GRM8: variants seen among roughly 807,000 people sequenced by gnomAD.
GRM8 encodes the protein metabotropic glutamate receptor 8.
A neutral mutation model predicts 87.2 loss-of-function variants in GRM8; 47 were observed. That is an observed-to-expected ratio of 0.54 (90% confidence interval 0.43 to 0.69). GRM8 has a LOEUF of 0.69. Among genes scored for constraint, GRM8 ranks in the 30% least tolerant of loss-of-function variants. The probability of loss-of-function intolerance (pLI) is 0.00; values close to 1 mark genes in which losing one functional copy is unlikely to be tolerated. For missense variants in GRM8, 1,019 were observed against 1,139.2 expected (o/e 0.89, Z 1.52); for synonymous variants, 396 against 404.5 (o/e 0.98, Z 0.25).
chr7:126,912,764 A>G (rs1803451504), intron 3 of GRM8, among the ~76,000 whole-genome samples: 1 of 152,230 alleles, frequency 6.6e-6, no homozygotes, highest in African/African-American at 2.4e-5. Flanking sequence ...TTAATAATGT[A>G]TAATTGAAAT....
chr7:127,131,222 AT>A (rs1220545815), intron 2 of GRM8, among the ~76,000 whole-genome samples: 1 of 152,182 alleles, frequency 6.6e-6, no homozygotes, highest in Non-Finnish European at 1.5e-5. Context: ...ATTGCTTACA[AT>A]AGCCAAAAGT....
chr7:127,252,879 G>A lies in GRM8; in HGVS notation c.-394C>T. 2 of 220,992 alleles carry A rather than the reference G, an allele frequency of 9.1e-6. No individual in the cohort carries two copies. Among genetic ancestry groups the A allele is most frequent in the East Asian group, 1.6e-4 (1 of 6,190 alleles). The allele number at this position is 220,992 out of a possible 1,614,324, so 13.7% of individuals were successfully genotyped here. Reference sequence around the variant, plus strand: ...CAGCGCCGCCGCCGCCGCCGCCGCCGCCGCGTGAGGCGAGCACAGCGGCCG... The same window carrying A: ...CAGCGCCGCCGCCGCCGCCGCCGCCACCGCGTGAGGCGAGCACAGCGGCCG... On this transcript the variant is annotated 5_prime_UTR_variant, in exon 1 of 11. Transcript: ENST00000339582. The surrounding 1 kb of genome is among the most constrained non-coding windows in gnomAD (Gnocchi z 4.9).
At chr7:126,472,839 A>G (rs1805450411) in intron 9 of GRM8, among the ~76,000 whole-genome samples, 1 of 152,284 alleles carries the variant, frequency 6.6e-6, no homozygotes, top group South Asian at 2.1e-4. Context: ...AGTCCCAGCC[A>G]TGGCTAATAG....
At chr7:127,226,820 C>T (rs1032884802) in intron 2 of GRM8, among the ~76,000 whole-genome samples, 2 of 152,232 alleles carry the variant, frequency 1.3e-5, no homozygotes, top group Non-Finnish European at 1.5e-5. Context: ...AAATAATATG[C>T]TCACATCATT....
chr7:127,059,331 C>CTTTTTTTTTTTTTTTTT (rs10618329), intron 3 of GRM8, among the ~76,000 whole-genome samples: 2 of 130,592 alleles, frequency 1.5e-5, no homozygotes, highest in Non-Finnish European at 3.3e-5. Flanking sequence ...TTTTTTTTTG[C>CTTTTTTTTTTTTTTTTT]TTTTTTTTTT....
chr7:126,473,281 A>G (rs7796391), intron 9 of GRM8, among the ~76,000 whole-genome samples: 76,058 of 152,048 alleles, frequency 0.5, 19,194 homozygotes, highest in Middle Eastern at 0.65. Flanking sequence ...TAGGGACAAA[A>G]CTACCCAAGA....
At chr7:126,831,518 A>C (rs1795368802) in intron 6 of GRM8, among the ~76,000 whole-genome samples, 1 of 152,306 alleles carries the variant, frequency 6.6e-6, no homozygotes, top group South Asian at 2.1e-4. Flanking sequence ...TGTGGGATAT[A>C]ATCTCCTGGT....
At position 127,248,126 on chromosome 7, in the gene GRM8, T is replaced by A. The variant is rs764349750; in HGVS notation, c.-311-4611A>T. Among the ~76,000 whole-genome samples, 75 of 152,220 alleles carry A rather than the reference T, an allele frequency of 4.9e-4. 1 individual carries two copies. Among genetic ancestry groups the A allele is most frequent in the Non-Finnish European group, 9.0e-4 (61 of 68,034 alleles). On this transcript the variant is annotated intron_variant, in intron 1 of 10. Coordinates refer to ENST00000339582, the MANE Select transcript of GRM8 (RefSeq NM_000845.3). ...CTTTATTTTTCCAATAACACAGCTA[T>A]TGCACAAAAAGACCATATTTAAAGT...
intron 2 of GRM8, among the ~76,000 whole-genome samples, chr7:127,208,024 G>A (rs942020980): frequency 3.3e-5 from 5 of 152,074 alleles, no homozygotes; most frequent in East Asian, 1.9e-4. Context: ...ACCCCCGGCC[G>A]ATTCCACAAG....
At chr7:126,908,489 C>T (rs1490407511) in intron 3 of GRM8, among the ~76,000 whole-genome samples, 61 of 152,256 alleles carry the variant, frequency 4.0e-4, no homozygotes, top group Non-Finnish European at 2.9e-5. Context: ...AATTAAATTG[C>T]CATGATTACT....
chr7:126,705,902 G>A (rs1032552604), intron 7 of GRM8, among the ~76,000 whole-genome samples: 4 of 151,870 alleles, frequency 2.6e-5, no homozygotes, highest in African/African-American at 9.7e-5. Flanking sequence ...TTAATTTCAA[G>A]CTATTTATTA....
At chr7:127,012,280 C>T (rs886150688) in intron 3 of GRM8, among the ~76,000 whole-genome samples, 1 of 152,066 alleles carries the variant, frequency 6.6e-6, no homozygotes, top group African/African-American at 2.4e-5. Context: ...TTCTATAGTT[C>T]TACTATATGC....
intron 3 of GRM8, among the ~76,000 whole-genome samples, chr7:126,954,610 A>G (rs1808491389): frequency 6.6e-6 from 1 of 152,188 alleles, no homozygotes; most frequent in Non-Finnish European, 1.5e-5. Flanking sequence ...GGACTTTTAT[A>G]TAGATTCATT....
intron 2 of GRM8, among the ~76,000 whole-genome samples, chr7:127,149,282 A>T (rs993530017): frequency 2.2e-4 from 33 of 152,104 alleles, no homozygotes; most frequent in African/African-American, 6.8e-4. Flanking sequence ...TCCAAAGAAG[A>T]CATAAAAATG....
At chr7:126,584,489 C>A (rs1026660870) in intron 8 of GRM8, among the ~76,000 whole-genome samples, 1 of 152,040 alleles carries the variant, frequency 6.6e-6, no homozygotes, top group Non-Finnish European at 1.5e-5. Context: ...GTTTGTTGAC[C>A]GATTGTCTCA....
At chr7:127,201,425 A>G (rs1346158960) in intron 2 of GRM8, among the ~76,000 whole-genome samples, 1 of 152,170 alleles carries the variant, frequency 6.6e-6, no homozygotes, top group African/African-American at 2.4e-5. Flanking sequence ...TCATGTTTCC[A>G]TTCTTCCTTC....
chr7:126,570,681 C>T (rs1280250754), intron 8 of GRM8, among the ~76,000 whole-genome samples: 1 of 152,150 alleles, frequency 6.6e-6, no homozygotes. Context: ...ATTTCAGGAG[C>T]ATTCTCTGGC....
intron 7 of GRM8, among the ~76,000 whole-genome samples, chr7:126,663,251 C>CA (rs1173718753): frequency 1.3e-5 from 2 of 152,064 alleles, no homozygotes; most frequent in African/African-American, 4.8e-5. Flanking sequence ...GACGCTATTC[C>CA]AAAAAATGGA....
intron 8 of GRM8, among the ~76,000 whole-genome samples, chr7:126,536,470 G>T (rs1815738900): frequency 6.6e-6 from 1 of 152,066 alleles, no homozygotes; most frequent in African/African-American, 2.4e-5. Flanking sequence ...TGTCATCAGG[G>T]CATTTGAGAC....
Sources: allele counts gnomAD v4.1 joint callset (sites outside exome capture counted in the v4.1 genomes callset), GRCh38; gene constraint gnomAD v4.1.1; non-coding constraint Gnocchi (gnomAD v3.1); transcripts MANE v1.5; gene names NCBI Gene and HGNC (gene_info 2026-07-23, HGNC 2026-07-21).